HRK: variants seen among roughly 807,000 people sequenced by gnomAD.
HRK encodes activator of apoptosis harakiri.
HRK carries 6 observed loss-of-function variants against 5.9 expected under a neutral mutation model. The ratio of observed to expected loss-of-function variants is 1.02; its 90% CI spans 0.56 to 2.01. The LOEUF is 2.01. Among genes scored for constraint, HRK ranks in the 30% most tolerant of loss-of-function variants. The pLI is 0.00. For missense variants in HRK, 133 were observed against 128.3 expected, an observed-to-expected ratio of 1.04 and a Z score of -0.18; for synonymous variants, 85 against 65.1, an observed-to-expected ratio of 1.31 and a Z score of -1.47.
At chr12:116,875,437 C>T (rs1337008005) in intron 1 of HRK, among the ~76,000 whole-genome samples, 1 of 152,176 alleles carries the variant, frequency 6.6e-6, no homozygotes, top group Admixed American at 6.5e-5. Context: ...CTTCCTGTAT[C>T]CACAGTGCCC....
intron 1 of HRK, among the ~76,000 whole-genome samples, chr12:116,866,020 C>T (rs556940547): frequency 9.2e-5 from 14 of 151,468 alleles, no homozygotes; most frequent in Non-Finnish European, 1.2e-4. Flanking sequence ...TAGCCAGGTG[C>T]GGTGGCGCAC....
At chr12:116,876,389 C>T (rs1593010537) in intron 1 of HRK, among the ~76,000 whole-genome samples, 1 of 152,358 alleles carries the variant, frequency 6.6e-6, no homozygotes, top group East Asian at 1.9e-4. Flanking sequence ...GGTTTAACCA[C>T]TTAATCCCCA....
At chr12:116,871,786 T>C (rs1185341777) in intron 1 of HRK, among the ~76,000 whole-genome samples, 1 of 151,774 alleles carries the variant, frequency 6.6e-6, no homozygotes. Flanking sequence ...GCCACCATGC[T>C]TGGCTAATTT....
Position 116,880,984 on chromosome 12 carries a change from C to T in HRK, c.*48G>A, listed in dbSNP as rs1302694575. ...CTCGCTCGCTCGCGTACCTGTTGCT[C>T]GCTCCGGCTGGGTCTCGGCTCCGGC... is the stretch of plus-strand genomic sequence containing the variant. On this transcript the variant is annotated 3_prime_UTR_variant, in exon 1 of 2. Transcript: ENST00000257572. 11 of 1,256,794 alleles carry T rather than the reference C, an allele frequency of 8.8e-6. No homozygotes were observed. The highest frequency in any genetic ancestry group is 1.1e-5 in the Non-Finnish European group (11 of 992,202). The allele number at this position is 1,256,794 out of a possible 1,614,324, so 77.9% of individuals were successfully genotyped here.
rs1392358011 is a variant in HRK at position 116,856,195 on chromosome 12, C to T, written c.*5328G>A. 1.3e-5 allele frequency: 2 copies of T among 152,136 alleles called. No individual in the cohort carries two copies. Among genetic ancestry groups the T allele is most frequent in the East Asian group, 1.9e-4 (1 of 5,196 alleles). The allele number at this position is 152,136 out of a possible 1,614,324, so 9.4% of individuals were successfully genotyped here. A position where few individuals can be genotyped will look rare whatever the true frequency, so the allele number is the denominator to read the frequency against. ...AAAGTCATTACAAATATGTACAAAGCGTCTCCAAGGTATGAAATTCCTCTT... is the reference window on the plus strand; with the variant it reads ...AAAGTCATTACAAATATGTACAAAGTGTCTCCAAGGTATGAAATTCCTCTT... On this transcript the variant is annotated 3_prime_UTR_variant, in exon 2 of 2. Transcript: ENST00000257572. The surrounding 1 kb of genome is among the most constrained non-coding windows in gnomAD (Gnocchi z 4.4).
At chr12:116,870,179 AC>A (rs898878692) in intron 1 of HRK, among the ~76,000 whole-genome samples, 89 of 152,178 alleles carry the variant, frequency 5.8e-4, no homozygotes, top group African/African-American at 1.9e-3. Context: ...CTCCCTCTCC[AC>A]CCAGGCAAGC....
In HRK at chr12:116,881,200, C is replaced by G. The variant is rs1380818082; in HGVS notation, c.108G>C (p.Arg36=). The change falls in exon 1 of 2, where the codon CGG becomes CGC. Residue 36 remains arginine, a synonymous_variant. Coordinates refer to ENST00000257572, the MANE Select transcript of HRK (RefSeq NM_003806.4). ...RSSAAQLTAA[R]LKALGDELHQ... The stretch of plus-strand genomic sequence containing the variant: ...GCAGCTCGTCGCCTAGCGCCTTGAG[C>G]CGGGCGGCGGTGAGCTGCGCGGCGG... 2 of 1,139,046 alleles carry G rather than the reference C, an allele frequency of 1.8e-6. No individual in the cohort carries two copies. Among genetic ancestry groups the G allele is most frequent in the East Asian group, 9.2e-5 (2 of 21,818 alleles). 70.6% of individuals were successfully genotyped at this position (1,139,046 alleles called of 1,614,324 possible).
In HRK at chr12:116,881,227, C is replaced by A. The variant is rs998368044; in HGVS notation, c.81G>T (p.Ser27=). The A allele has an allele frequency of 3.6e-6, 4 of 1,110,586 alleles. No individual in the cohort carries two copies. The highest frequency in any genetic ancestry group is 1.7e-5 in the African/African-American group (1 of 60,088). 68.8% of individuals were successfully genotyped at this position (1,110,586 alleles called of 1,614,324 possible). A position where few individuals can be genotyped will look rare whatever the true frequency, so the allele number is the denominator to read the frequency against. Residue 27 remains serine, a synonymous_variant, in exon 1 of 2, where the codon TCG becomes TCT. Transcript: ENST00000257572. The part of the protein sequence containing the change: ...ACSAGRLGLR[S]SAAQLTAARL... ...GGGCGGCGGTGAGCTGCGCGGCGGA[C>A]GAGCGCAGCCCCAGGCGACCCGCGC...
At position 116,879,238 on chromosome 12, in the gene HRK, C is replaced by A. The variant is rs951001782; in HGVS notation, c.*56+1738G>T. On this transcript the variant is annotated intron_variant, in intron 1 of 1. Coordinates refer to ENST00000257572, the MANE Select transcript of HRK (RefSeq NM_003806.4). The surrounding 1 kb of genome is among the most constrained non-coding windows in gnomAD (Gnocchi z 5.6). ...GTGTCCCAGCCCTCTCTCCACAGTT[C>A]TATTTGATTTTACTACCTTCCTCTC... is the stretch of plus-strand genomic sequence containing the variant. 21 of 152,316 alleles carry A rather than the reference C, an allele frequency of 1.4e-4. No individual in the cohort carries two copies. Among genetic ancestry groups the A allele is most frequent in the Admixed American group, 1.4e-3 (21 of 15,284 alleles). 9.4% of individuals were successfully genotyped at this position (152,316 alleles called of 1,614,324 possible).
intron 1 of HRK, among the ~76,000 whole-genome samples, chr12:116,875,955 C>A (rs182400919): frequency 4.2e-4 from 64 of 152,254 alleles, no homozygotes; most frequent in African/African-American, 1.3e-3. Flanking sequence ...TTTCTATTCC[C>A]GTGAAATCCT....
chr12:116,858,573 GTCACACACAC>G lies in HRK; in HGVS notation c.*2940_*2949del, dbSNP rs1878241386. 2.4e-5 allele frequency: 1 copy of G among 42,062 alleles called. No individual in the cohort carries two copies. Among genetic ancestry groups the G allele is most frequent in the African/African-American group, 9.6e-5 (1 of 10,430 alleles). 2.6% of individuals were successfully genotyped at this position (42,062 alleles called of 1,614,324 possible). ...TCAGAGGCCTCCCTCTGCTTGTACG[GTCACACACAC>G]ACACACACACACACACACACACACA... On this transcript the variant is annotated 3_prime_UTR_variant, in exon 2 of 2. Transcript: ENST00000257572.
chr12:116,877,332 A>G (rs1355149826), intron 1 of HRK, among the ~76,000 whole-genome samples: 1 of 151,980 alleles, frequency 6.6e-6, no homozygotes, highest in African/African-American at 2.4e-5. Context: ...CTGGGATTAC[A>G]GGACTGAACC....
In HRK at chr12:116,879,561, A is replaced by T. The variant is rs2137256234; in HGVS notation, c.*56+1415T>A. 1 of 152,210 alleles carries T rather than the reference A, an allele frequency of 6.6e-6. No homozygotes were observed. The highest frequency in any genetic ancestry group is 6.5e-5 in the Admixed American group (1 of 15,294). The allele number at this position is 152,210 out of a possible 1,614,324, so 9.4% of individuals were successfully genotyped here. A position where few individuals can be genotyped will look rare whatever the true frequency, so the allele number is the denominator to read the frequency against. On this transcript the variant is annotated intron_variant, in intron 1 of 1. Transcript: ENST00000257572. The surrounding 1 kb of genome is among the most constrained non-coding windows in gnomAD (Gnocchi z 5.6). ...GGGAGCCCCTGGCCTCTCCAACAGG[A>T]GAGAGAGAAGGTAGGGAGAAGTGGA...
intron 1 of HRK, among the ~76,000 whole-genome samples, chr12:116,863,697 CTT>C (rs72323973): frequency 3.4e-4 from 47 of 138,730 alleles, no homozygotes; most frequent in Non-Finnish European, 4.1e-4. Flanking sequence ...AAACCTTTTG[CTT>C]TTTTTTTTTT....
At chr12:116,866,799 T>C (rs965131967) in intron 1 of HRK, among the ~76,000 whole-genome samples, 2 of 152,090 alleles carry the variant, frequency 1.3e-5, no homozygotes, top group Non-Finnish European at 2.9e-5. Context: ...CAGTGAGAGT[T>C]GGGTAGTAGC....
Position 116,857,232 on chromosome 12 carries a change from A to T in HRK, c.*4291T>A, listed in dbSNP as rs980510009. 2 of 152,236 alleles carry T rather than the reference A, an allele frequency of 1.3e-5. No homozygotes were observed. The highest frequency in any genetic ancestry group is 4.8e-5 in the African/African-American group (2 of 41,454). The allele number at this position is 152,236 out of a possible 1,614,324, so 9.4% of individuals were successfully genotyped here. On this transcript the variant is annotated 3_prime_UTR_variant, in exon 2 of 2. Transcript: ENST00000257572. ...ATCCACAAGTCAAGTCTCTTCTGAG[A>T]TGGAATTCTACAACTGGCACATTGT...
At chr12:116,864,667 G>C (rs1878475251) in intron 1 of HRK, among the ~76,000 whole-genome samples, 1 of 152,142 alleles carries the variant, frequency 6.6e-6, no homozygotes, top group Non-Finnish European at 1.5e-5. Context: ...TCAGAAAGTT[G>C]TAGGAATTGA....
rs140981757 is a variant in HRK, at chr12:116,861,249, A to G, written c.*274T>C. The G allele has an allele frequency of 3.3e-5, 5 of 152,306 alleles. No individual in the cohort carries two copies. Among genetic ancestry groups the G allele is most frequent in the African/African-American group, 1.2e-4 (5 of 41,568 alleles). The allele number at this position is 152,306 out of a possible 1,614,324, so 9.4% of individuals were successfully genotyped here. ...ATATTCATATTTTCTTTTTTTATAT[A>G]TATAGAGCTGTATGTAAATAGCATT... On this transcript the variant is annotated 3_prime_UTR_variant, in exon 2 of 2. Coordinates refer to ENST00000257572, the MANE Select transcript of HRK (RefSeq NM_003806.4).
At position 116,879,807 on chromosome 12, in the gene HRK, C is replaced by G. The variant is rs1879075184; in HGVS notation, c.*56+1169G>C. On this transcript the variant is annotated intron_variant, in intron 1 of 1. Transcript: ENST00000257572. This position sits in a 1 kb window ranked among gnomAD's most constrained non-coding sequence, Gnocchi z 5.6. Reference sequence around the variant, plus strand: ...GCTCGGGCCTCGCCTTCAGGCGCCGCTCCAACTTCCCAGGGTGTCTGCGGC... The same window carrying G: ...GCTCGGGCCTCGCCTTCAGGCGCCGGTCCAACTTCCCAGGGTGTCTGCGGC... Among the ~76,000 whole-genome samples the G allele has an allele frequency of 6.6e-6, 1 of 152,216 alleles. No individual in the cohort carries two copies. The highest frequency in any genetic ancestry group is 2.1e-4 in the South Asian group (1 of 4,836).
Sources: allele counts gnomAD v4.1 joint callset (sites outside exome capture counted in the v4.1 genomes callset), GRCh38; gene constraint gnomAD v4.1.1; non-coding constraint Gnocchi (gnomAD v3.1); transcripts MANE v1.5; gene names NCBI Gene and HGNC (gene_info 2026-07-23, HGNC 2026-07-21).